The following LIMK1 variants were observed in gnomAD, a reference collection of about 807,000 sequenced individuals.
LIMK1 encodes LIM domain kinase 1, also known as LIM motif-containing protein kinase.
Under a neutral mutation model 77.6 loss-of-function variants are expected in LIMK1, and 21 were observed. That is an observed-to-expected ratio of 0.27 (90% CI 0.19 to 0.39). The LOEUF is 0.39. Among genes scored for constraint, LIMK1 ranks in the 10% least tolerant of loss-of-function variants. The pLI, the probability that LIMK1 is intolerant of heterozygous loss-of-function variation, is 1.00. For synonymous variants in LIMK1, 358 were observed against 370.0 expected (o/e 0.97, Z 0.37); for missense variants, 696 against 901.6 (o/e 0.77, Z 2.92).
intron 1 of LIMK1, 127 bp from the exon 2 acceptor site, chr7:74,085,621 C>T (rs539982409): frequency 2.0e-5 from 15 of 761,882 alleles, no homozygotes; most frequent in East Asian, 1.9e-4. Flanking sequence ...CCTGCCTGGG[C>T]GCTGCACATG....
intron 5 of LIMK1, among the ~76,000 whole-genome samples, chr7:74,104,622 T>C (rs1386276344): frequency 6.7e-6 from 1 of 150,198 alleles, no homozygotes; most frequent in African/African-American, 2.5e-5. Flanking sequence ...CAAAACTCTG[T>C]CTCAAAAAAA....
chr7:74,099,957 CAAA>C (rs34776706), intron 5 of LIMK1, among the ~76,000 whole-genome samples: 1 of 82,270 alleles, frequency 1.2e-5, no homozygotes. Flanking sequence ...TGCATGTCTA[CAAA>C]AAAAAAAAAA....
intron 2 of LIMK1, among the ~76,000 whole-genome samples, chr7:74,093,538 T>A (rs1040743750): frequency 2.0e-5 from 3 of 152,180 alleles, no homozygotes; most frequent in African/African-American, 4.8e-5. Flanking sequence ...TGGCCAGGGA[T>A]GTGGCCCTGG....
At chr7:74,112,919 G>A (rs1799733145) in intron 12 of LIMK1, among the ~76,000 whole-genome samples, 1 of 152,050 alleles carries the variant, frequency 6.6e-6, no homozygotes, top group African/African-American at 2.4e-5. Flanking sequence ...AGGAGAGCCC[G>A]GTTCTCCACC....
Position 74,100,265 on chromosome 7 carries a change from T to G in LIMK1, c.608+1027T>G, listed in dbSNP as rs1799427904. On this transcript the variant is annotated intron_variant, in intron 5 of 15. Transcript: ENST00000336180. ...AAAATGGGGCAGGGCTGATAAAGAT[T>G]AGATTACTGTGTGACTTTGAGCAGC... Among the ~76,000 whole-genome samples the G allele has an allele frequency of 1.3e-5, 2 of 152,100 alleles. 1 individual carries two copies. The highest frequency in any genetic ancestry group is 2.9e-5 in the Non-Finnish European group (2 of 68,026).
intron 12 of LIMK1, 131 bp from the exon 13 acceptor site, chr7:74,115,671 T>C (rs1799791850): frequency 5.0e-6 from 5 of 998,442 alleles, no homozygotes; most frequent in Non-Finnish European, 7.3e-6. Context: ...GTCCCCACCC[T>C]GTGCCAATAC....
At chr7:74,112,723 G>T (rs1440752214) in intron 12 of LIMK1, among the ~76,000 whole-genome samples, 1 of 152,120 alleles carries the variant, frequency 6.6e-6, no homozygotes, top group Non-Finnish European at 1.5e-5. Flanking sequence ...TACTTGGGAG[G>T]CTGAAGCAGG....
intron 2 of LIMK1, chr7:74,093,373 GCC>G (rs1799276584): frequency 1.3e-6 from 2 of 1,513,210 alleles, no homozygotes; most frequent in African/African-American, 2.8e-5. Context: ...GGGGCTGGAA[GCC>G]GACCCACCTA....
intron 2 of LIMK1, among the ~76,000 whole-genome samples, chr7:74,086,986 A>G (rs533324074): frequency 4.6e-5 from 7 of 152,182 alleles, no homozygotes; most frequent in Non-Finnish European, 8.8e-5. Context: ...TAAAGAGTAC[A>G]TGAGGACCTG....
intron 5 of LIMK1, among the ~76,000 whole-genome samples, chr7:74,103,972 T>C (rs1799518305): frequency 6.6e-6 from 1 of 152,020 alleles, no homozygotes; most frequent in Admixed American, 6.6e-5. Context: ...TTTTTATTTT[T>C]TGTAATGGTG....
chr7:74,097,364 C>T (rs1398708535), intron 4 of LIMK1, among the ~76,000 whole-genome samples, 175 bp downstream of exon 4: 4 of 152,200 alleles, frequency 2.6e-5, no homozygotes, highest in Non-Finnish European at 5.9e-5. Flanking sequence ...AGAAATAACA[C>T]ACAGAAGTCA....
intron 13 of LIMK1, among the ~76,000 whole-genome samples, chr7:74,118,392 AC>A (rs1799863213): frequency 1.4e-5 from 2 of 144,364 alleles, no homozygotes; most frequent in Admixed American, 1.4e-4. Context: ...ACACACACAC[AC>A]ACACACACAC....
chr7:74,091,649 G>C (rs1799238763), intron 2 of LIMK1, among the ~76,000 whole-genome samples: 1 of 152,244 alleles, frequency 6.6e-6, no homozygotes. Flanking sequence ...TGTAACCACA[G>C]CTTAGTCCCA....
At chr7:74,089,235 G>A (rs1281680152) in intron 2 of LIMK1, among the ~76,000 whole-genome samples, 2 of 151,966 alleles carry the variant, frequency 1.3e-5, no homozygotes, top group Non-Finnish European at 2.9e-5. Context: ...GCAGGGGCTG[G>A]CGGTGGCACA....
chr7:74,097,028 G>T (rs1435657646), intron 3 of LIMK1, 52 bp from the exon 4 acceptor site: 1 of 1,394,206 alleles, frequency 7.2e-7, no homozygotes, highest in Non-Finnish European at 1.0e-6. Context: ...AGGATCTGTG[G>T]GGGTTGTTGG....
At chr7:74,085,319 G>A (rs1554693897) in intron 1 of LIMK1, among the ~76,000 whole-genome samples, 1 of 152,222 alleles carries the variant, frequency 6.6e-6, no homozygotes, top group Admixed American at 6.5e-5. Flanking sequence ...CACTAATCCA[G>A]CCCTGTCCAG....
intron 5 of LIMK1, among the ~76,000 whole-genome samples, chr7:74,103,844 G>T (rs1234993616): frequency 6.6e-6 from 1 of 152,040 alleles, no homozygotes; most frequent in Non-Finnish European, 1.5e-5. Flanking sequence ...GCCCAGGCTG[G>T]AGTGCAGTGA....
intron 13 of LIMK1, 140 bp downstream of exon 13, chr7:74,116,098 A>G: frequency 2.3e-6 from 2 of 886,090 alleles, no homozygotes; most frequent in Non-Finnish European, 3.4e-6. Context: ...TGCTCCTATA[A>G]CACACTTAGT....
intron 5 of LIMK1, 83 bp from the exon 6 acceptor site, chr7:74,105,792 G>A: frequency 1.1e-6 from 1 of 902,034 alleles, no homozygotes; most frequent in Non-Finnish European, 1.8e-6. Flanking sequence ...TGCTCACCCT[G>A]GATCTGGTGC....
Sources: allele counts gnomAD v4.1 joint callset (sites outside exome capture counted in the v4.1 genomes callset), GRCh38; gene constraint gnomAD v4.1.1; transcripts MANE v1.5; gene names NCBI Gene and HGNC (gene_info 2026-07-23, HGNC 2026-07-21).